PDE4D: variants seen among roughly 807,000 people sequenced by gnomAD.
PDE4D encodes phosphodiesterase 4D, also known as 3',5'-cyclic-AMP phosphodiesterase 4D.
In PDE4D, 24 loss-of-function variants were observed where a neutral mutation model predicts 87.4. That is an observed-to-expected ratio of 0.27 (90% confidence interval 0.20 to 0.39). PDE4D has a LOEUF of 0.39. Among genes scored for constraint, PDE4D ranks in the 10% least tolerant of loss-of-function variants. The pLI is 1.00. For missense variants in PDE4D, 714 were observed against 1,041.0 expected, an observed-to-expected ratio of 0.69 and a Z score of 4.32; for synonymous variants, 384 against 383.2, an observed-to-expected ratio of 1.00 and a Z score of -0.02.
In PDE4D at chr5:59,251,440, AC is replaced by A. The variant is rs751491921; in HGVS notation, c.456-35473del. Reference sequence around the variant, plus strand: ...AGCATATGAAAAAACCCTTAATAACACTGATTATTAGAGAAATGCAAATCAA... The same window carrying A: ...AGCATATGAAAAAACCCTTAATAACATGATTATTAGAGAAATGCAAATCAA... On this transcript the variant is annotated intron_variant, in intron 1 of 14. Transcript: ENST00000340635. Among the ~76,000 whole-genome samples, 20 of 152,242 alleles carry A rather than the reference AC, an allele frequency of 1.3e-4. No individual in the cohort carries two copies. In the East Asian group the frequency reaches 2.9e-3, roughly 22 times the overall value.
At chr5:60,414,391 C>T (rs1742309136) in intron 1 of PDE4D, among the ~76,000 whole-genome samples, 1 of 152,062 alleles carries the variant, frequency 6.6e-6, no homozygotes, top group African/African-American at 2.4e-5. Flanking sequence ...TTTTTGATCA[C>T]ACTATTAAGA....
chr5:59,259,526 A>G (rs979932177), intron 1 of PDE4D, among the ~76,000 whole-genome samples: 1 of 151,976 alleles, frequency 6.6e-6, no homozygotes, highest in African/African-American at 2.4e-5. Flanking sequence ...TACATGGAAC[A>G]AAAAGGAATA....
chr5:60,228,767 A>G (rs895856138), intron 1 of PDE4D, among the ~76,000 whole-genome samples: 1 of 152,104 alleles, frequency 6.6e-6, no homozygotes, highest in African/African-American at 2.4e-5. Context: ...TGGAATGACT[A>G]TGTGAAAAGA....
At chr5:59,580,838 A>C (rs767615648) in intron 1 of PDE4D, among the ~76,000 whole-genome samples, 19 of 152,214 alleles carry the variant, frequency 1.2e-4, no homozygotes, top group Admixed American at 9.2e-4. Context: ...TTAACACTCC[A>C]GAAGCTGAAT....
At chr5:59,485,474 T>C (rs1804976006) in intron 1 of PDE4D, among the ~76,000 whole-genome samples, 1 of 152,170 alleles carries the variant, frequency 6.6e-6, no homozygotes, top group African/African-American at 2.4e-5. Context: ...ATTTTGTTTT[T>C]TAGATTTATG....
chr5:59,768,685 C>G, intron 1 of PDE4D: 1 of 1,456,108 alleles, frequency 6.9e-7, no homozygotes, highest in Admixed American at 2.6e-5. Flanking sequence ...CGAGCGCACT[C>G]CTCCGCGGAA....
chr5:59,629,167 C>T (rs936271666), intron 1 of PDE4D, among the ~76,000 whole-genome samples: 15 of 152,060 alleles, frequency 9.9e-5, no homozygotes, highest in African/African-American at 3.4e-4. Context: ...AGCCAAACTA[C>T]ATCAGTGGTC....
At chr5:60,417,300 TCATC>T (rs1334265160) in intron 1 of PDE4D, among the ~76,000 whole-genome samples, 1 of 152,206 alleles carries the variant, frequency 6.6e-6, no homozygotes, top group Non-Finnish European at 1.5e-5. Context: ...TCACCCAAGA[TCATC>T]CAGCCTACAT....
chr5:60,111,224 T>A (rs1777643235), intron 2 of PDE4D, among the ~76,000 whole-genome samples: 2 of 152,042 alleles, frequency 1.3e-5, no homozygotes, highest in African/African-American at 4.8e-5. Context: ...TACCCTGATT[T>A]GATCATTACA....
At chr5:58,996,556 C>T (rs963016647) in intron 6 of PDE4D, among the ~76,000 whole-genome samples, 1 of 152,108 alleles carries the variant, frequency 6.6e-6, no homozygotes, top group African/African-American at 2.4e-5. Context: ...AACTGCTGCC[C>T]TCCTTGCACT....
intron 3 of PDE4D, among the ~76,000 whole-genome samples, chr5:59,963,249 C>A (rs1027745455): frequency 3.9e-5 from 6 of 152,120 alleles, no homozygotes; most frequent in African/African-American, 1.4e-4. Context: ...GTGTCCTCAA[C>A]AAAAATCTCA....
Position 60,195,621 on chromosome 5 carries a change from G to A in PDE4D, c.-89-9934C>T, listed in dbSNP as rs187113142. Among the ~76,000 whole-genome samples, 26 of 151,634 alleles carry A rather than the reference G, an allele frequency of 1.7e-4. No homozygotes were observed. The East Asian group carries it at 4.8e-3, about 28-fold the overall frequency. ...ACACTTGTGGTATGCAATGAACTGT[G>A]CTCTAGGGTCCAGGGATGCAGAGAT... On this transcript the variant is annotated intron_variant, in intron 1 of 16. Transcript: ENST00000502484.
intron 1 of PDE4D, among the ~76,000 whole-genome samples, chr5:60,383,010 T>C (rs1761970258): frequency 6.6e-6 from 1 of 152,116 alleles, no homozygotes. Context: ...CAAGGGAAAG[T>C]TTCACTGGAG....
intron 1 of PDE4D, among the ~76,000 whole-genome samples, chr5:59,634,039 G>A (rs910980454): frequency 2.1e-4 from 29 of 140,960 alleles, no homozygotes; most frequent in African/African-American, 7.7e-4. Flanking sequence ...AGGGATGGAG[G>A]AAGATTTACC....
chr5:59,212,383 C>A (rs999346475), intron 2 of PDE4D, among the ~76,000 whole-genome samples: 10 of 152,104 alleles, frequency 6.6e-5, no homozygotes, highest in African/African-American at 2.2e-4. Context: ...TCTTACTGCT[C>A]CAATGTAAAT....
At chr5:59,018,346 C>T (rs1303568042) in intron 6 of PDE4D, among the ~76,000 whole-genome samples, 1 of 152,216 alleles carries the variant, frequency 6.6e-6, no homozygotes. Flanking sequence ...TCATGAATAA[C>T]TGTCTGCCTC....
intron 2 of PDE4D, among the ~76,000 whole-genome samples, chr5:60,156,415 A>T (rs1312855532): frequency 6.6e-6 from 1 of 152,206 alleles, no homozygotes; most frequent in African/African-American, 2.4e-5. Flanking sequence ...GCTTTCCTCC[A>T]GAAGTCCCAG....
chr5:58,987,712 A>T (rs1263428684), intron 11 of PDE4D, among the ~76,000 whole-genome samples: 2 of 152,196 alleles, frequency 1.3e-5, no homozygotes, highest in Non-Finnish European at 2.9e-5. Flanking sequence ...TATAAAAGTG[A>T]ATTTATGATT....
At chr5:59,085,626 T>A (rs967790980) in intron 5 of PDE4D, among the ~76,000 whole-genome samples, 11 of 152,190 alleles carry the variant, frequency 7.2e-5, no homozygotes, top group Admixed American at 1.3e-4. Context: ...ACAATGGGCA[T>A]AAACTGAGTG....
Sources: gnomAD v4.1 joint callset for allele counts (sites outside exome capture counted in the v4.1 genomes callset) on GRCh38, gnomAD v4.1.1 for gene constraint, MANE v1.5 for transcripts, NCBI Gene and HGNC (gene_info 2026-07-23, HGNC 2026-07-21) for gene names.